Variants in RIMBP2 observed in about 807,000 individuals in gnomAD.
RIMBP2 encodes the protein RIMS-binding protein 2.
Under a neutral mutation model 118.6 loss-of-function variants are expected in RIMBP2, and 48 were observed. The ratio of observed to expected loss-of-function variants is 0.40; its 90% CI spans 0.32 to 0.51. The LOEUF is 0.51. RIMBP2 is among the 20% of genes least tolerant of loss of function. The pLI, the probability that RIMBP2 is intolerant of heterozygous loss-of-function variation, is 0.41. For missense variants in RIMBP2, 1,551 were observed against 1,768.3 expected, an observed-to-expected ratio of 0.88 and a Z score of 2.20; for synonymous variants, 762 against 742.9, an observed-to-expected ratio of 1.03 and a Z score of -0.42.
chr12:130,645,709 A>G (rs938605015), intron 1 of RIMBP2, among the ~76,000 whole-genome samples: 1 of 152,236 alleles, frequency 6.6e-6, no homozygotes, highest in Non-Finnish European at 1.5e-5. Context: ...CGCTGATGAC[A>G]TTAAGTCTCT....
rs958056733 is a variant in RIMBP2 at position 130,581,336 on chromosome 12, C to A, written c.-217+46986G>T. ...CACACAGGGGCCCCATCTGCTCCAG[C>A]AATGGTTTCCAACCTTACTCTCAGA... On this transcript the variant is annotated intron_variant, in intron 2 of 22. Transcript: ENST00000690449. This position sits in a 1 kb window ranked among gnomAD's most constrained non-coding sequence, Gnocchi z 4.4. Among the ~76,000 whole-genome samples the A allele has an allele frequency of 6.6e-6, 1 of 152,142 alleles. No homozygotes were observed. The highest frequency in any genetic ancestry group is 1.5e-5 in the Non-Finnish European group (1 of 68,022).
intron 5 of RIMBP2, 150 bp from the exon 6 acceptor site, chr12:130,470,893 C>T (rs1593423773): frequency 2.2e-6 from 1 of 450,994 alleles, no homozygotes; most frequent in East Asian, 3.6e-5. Context: ...CATTATTTAA[C>T]TTTTATTTGA....
intron 2 of RIMBP2, among the ~76,000 whole-genome samples, chr12:130,605,066 T>C (rs1315729701): frequency 6.6e-6 from 1 of 152,004 alleles, no homozygotes; most frequent in Non-Finnish European, 1.5e-5. Flanking sequence ...TGCGGTAGAC[T>C]CCCCGGCTAG....
At chr12:130,441,367 C>T (rs1290577600) in intron 11 of RIMBP2, among the ~76,000 whole-genome samples, 1 of 150,316 alleles carries the variant, frequency 6.7e-6, no homozygotes, top group Non-Finnish European at 1.5e-5. Flanking sequence ...CACCACTGCA[C>T]TCCAAACTGG....
Position 130,621,167 on chromosome 12 carries a change from A to G in RIMBP2, c.-217+7155T>C, listed in dbSNP as rs1336009161. On this transcript the variant is annotated intron_variant, in intron 2 of 22. Transcript: ENST00000690449. This position sits in a 1 kb window ranked among gnomAD's most constrained non-coding sequence, Gnocchi z 6.6. ...ACCTTAGGTGAGTTGGAAACCCTTG[A>G]GTTCAGTCACCAGGCTCTGGAGATG... 6.6e-6 allele frequency among the ~76,000 whole-genome samples: 1 copy of G among 152,086 alleles called. No homozygotes were observed. Among genetic ancestry groups the G allele is most frequent in the Non-Finnish European group, 1.5e-5 (1 of 68,024 alleles).
intron 2 of RIMBP2, among the ~76,000 whole-genome samples, chr12:130,585,536 C>A (rs2058828257): frequency 6.6e-6 from 1 of 151,168 alleles, no homozygotes; most frequent in Admixed American, 6.6e-5. Context: ...TGCTTGAGCC[C>A]AGTTGGGGAG....
chr12:130,421,641 G>A (rs1030348666), intron 17 of RIMBP2, among the ~76,000 whole-genome samples: 3 of 151,182 alleles, frequency 2.0e-5, no homozygotes, highest in Admixed American at 6.6e-5. Context: ...AAACCAAGAC[G>A]GTTTCTCCTC....
At chr12:130,478,230 T>C (rs2081610465) in intron 5 of RIMBP2, among the ~76,000 whole-genome samples, 1 of 152,248 alleles carries the variant, frequency 6.6e-6, no homozygotes, top group African/African-American at 2.4e-5. Flanking sequence ...TTTCTTTTCC[T>C]TTCTGTCTTA....
intron 6 of RIMBP2, among the ~76,000 whole-genome samples, chr12:130,459,056 A>G (rs1456883045): frequency 1.3e-4 from 2 of 15,486 alleles, no homozygotes; most frequent in South Asian, 0.019. Context: ...AAAAAAAAAA[A>G]AAACAAAAAA....
At chr12:130,686,347 C>A (rs1189252383) in intron 1 of RIMBP2, among the ~76,000 whole-genome samples, 3 of 152,180 alleles carry the variant, frequency 2.0e-5, no homozygotes, top group East Asian at 3.9e-4. Flanking sequence ...CAGCACAGAC[C>A]CCGCGCCCCC....
chr12:130,423,634 C>A (rs993849345), intron 16 of RIMBP2, among the ~76,000 whole-genome samples: 6 of 23,830 alleles, frequency 2.5e-4, no homozygotes, highest in East Asian at 1.1e-3. Context: ...GGGAAAAAAA[C>A]AAGAACTTTG....
chr12:130,701,128 T>C (rs1474205004), intron 1 of RIMBP2, among the ~76,000 whole-genome samples: 4 of 152,320 alleles, frequency 2.6e-5, no homozygotes, highest in African/African-American at 9.6e-5. Flanking sequence ...CAGGATGTCA[T>C]TGCAGTTGGA....
chr12:130,664,591 C>G (rs987230901), intron 1 of RIMBP2, among the ~76,000 whole-genome samples: 1 of 151,550 alleles, frequency 6.6e-6, no homozygotes, highest in Admixed American at 6.6e-5. Flanking sequence ...AAATATCACT[C>G]GCCACCCAGA....
Position 130,617,930 on chromosome 12 carries a change from G to A in RIMBP2, c.-217+10392C>T, listed in dbSNP as rs908414736. Reference sequence around the variant, plus strand: ...AACTCGGCCGGGTGTGGTGGCCCACGCCTGTAATCCCAGTACCTTGGGACG... The same window carrying A: ...AACTCGGCCGGGTGTGGTGGCCCACACCTGTAATCCCAGTACCTTGGGACG... On this transcript the variant is annotated intron_variant, in intron 2 of 22. Coordinates refer to ENST00000690449, the MANE Select transcript of RIMBP2 (RefSeq NM_001393629.1). The surrounding 1 kb of genome is among the most constrained non-coding windows in gnomAD (Gnocchi z 4.6). 6.7e-5 allele frequency among the ~76,000 whole-genome samples: 10 copies of A among 150,372 alleles called. No individual in the cohort carries two copies. The highest frequency in any genetic ancestry group is 1.2e-4 in the African/African-American group (5 of 40,850).
chr12:130,679,601 C>T (rs191266033), intron 1 of RIMBP2, among the ~76,000 whole-genome samples: 4 of 152,136 alleles, frequency 2.6e-5, no homozygotes, highest in Non-Finnish European at 5.9e-5. Flanking sequence ...CGGGCGCATT[C>T]GCCTGGTGAG....
At chr12:130,674,379 G>A (rs1459481681) in intron 1 of RIMBP2, among the ~76,000 whole-genome samples, 4 of 152,084 alleles carry the variant, frequency 2.6e-5, no homozygotes, top group South Asian at 2.1e-4. Context: ...GTTCTTTACC[G>A]CAGTGTGAGA....
At chr12:130,634,859 A>C (rs1028232088) in intron 1 of RIMBP2, among the ~76,000 whole-genome samples, 15 of 152,138 alleles carry the variant, frequency 9.9e-5, no homozygotes, top group African/African-American at 3.4e-4. Flanking sequence ...GCAGCTTCCC[A>C]AAGTGCTGGG....
chr12:130,704,123 C>T (rs962976820), intron 1 of RIMBP2, among the ~76,000 whole-genome samples: 10 of 152,152 alleles, frequency 6.6e-5, no homozygotes, highest in African/African-American at 2.4e-4. Flanking sequence ...GGTCGACTTC[C>T]CTCCAGGCAC....
intron 13 of RIMBP2, 42 bp downstream of exon 13, chr12:130,436,800 T>G: frequency 1.5e-6 from 2 of 1,351,244 alleles, no homozygotes; most frequent in Admixed American, 3.5e-5. Flanking sequence ...CCCGTGGGGT[T>G]TGGGGACTGA....
Sources: gnomAD v4.1 joint callset for allele counts (sites outside exome capture counted in the v4.1 genomes callset) on GRCh38, gnomAD v4.1.1 for gene constraint, Gnocchi (gnomAD v3.1) non-coding constraint, MANE v1.5 for transcripts, NCBI Gene and HGNC (gene_info 2026-07-23, HGNC 2026-07-21) for gene names.